The following IL1RAP variants were observed in gnomAD, a reference collection of about 807,000 sequenced individuals.
The protein encoded by IL1RAP is interleukin-1 receptor accessory protein.
In IL1RAP, 35 loss-of-function variants were observed where a neutral mutation model predicts 60.7. The ratio of observed to expected loss-of-function variants is 0.58; its 90% confidence interval spans 0.44 to 0.76. IL1RAP has a LOEUF of 0.76. Ranked by LOEUF, IL1RAP falls within the 30% of genes least tolerant of loss-of-function variation. The probability of loss-of-function intolerance (pLI) is 0.00; values close to 1 mark genes in which losing one functional copy is unlikely to be tolerated. For missense variants in IL1RAP, 572 were observed against 693.9 expected, an observed-to-expected ratio of 0.82 and a Z score of 1.97; for synonymous variants, 268 against 250.9, an observed-to-expected ratio of 1.07 and a Z score of -0.64.
intron 1 of IL1RAP, among the ~76,000 whole-genome samples, chr3:190,551,713 C>A (rs1348916714): frequency 6.6e-6 from 1 of 152,002 alleles, no homozygotes; most frequent in Admixed American, 6.6e-5. Context: ...ATTTAAGAGC[C>A]CCTGTCAAAG....
At chr3:190,655,987 G>A (rs1473762518), downstream of IL1RAP, 1 of 1,537,096 alleles carries the variant, frequency 6.5e-7, no homozygotes, top group African/African-American at 1.4e-5. Context: ...CAGCATGCTG[G>A]AGTTTAAACT....
intron 8 of IL1RAP, among the ~76,000 whole-genome samples, chr3:190,628,650 C>T (rs1217762147): frequency 2.6e-5 from 4 of 152,142 alleles, no homozygotes; most frequent in East Asian, 3.9e-4. Context: ...ACAAAGTTTA[C>T]GTGTTCATAA....
At position 190,629,338 on chromosome 3, in the gene IL1RAP, C is replaced by G. The variant is rs978415111; in HGVS notation, c.903-12C>G. The G allele has an allele frequency of 3.2e-6, 5 of 1,569,356 alleles. No homozygotes were observed. In the Admixed American group the frequency reaches 5.3e-5, roughly 17 times the overall value. ...CTCTCAAATGCTTTGATTTTCTTCT[C>G]TCTATTTCTAGTATAAGTCATAGTA... On this transcript the variant is annotated splice_polypyrimidine_tract_variant and intron_variant, in intron 8 of 11. Coordinates refer to ENST00000447382, the MANE Select transcript of IL1RAP (RefSeq NM_002182.4).
intron 1 of IL1RAP, among the ~76,000 whole-genome samples, chr3:190,546,161 A>T (rs1324175208): frequency 1.3e-5 from 2 of 152,132 alleles, no homozygotes; most frequent in Non-Finnish European, 2.9e-5. Context: ...GTTTTAAGGG[A>T]CTTCGAACCT....
intron 2 of IL1RAP, 131 bp from the exon 3 acceptor site, chr3:190,564,158 A>G (rs1376483432): frequency 6.4e-6 from 4 of 622,978 alleles, no homozygotes; most frequent in Non-Finnish European, 5.9e-6. Context: ...CTGACAATGA[A>G]ATTTGTTAAT....
intron 3 of IL1RAP, among the ~76,000 whole-genome samples, chr3:190,577,628 T>C (rs1411005441): frequency 1.3e-5 from 2 of 152,166 alleles, no homozygotes; most frequent in Non-Finnish European, 2.9e-5. Context: ...ATTCCTGTGC[T>C]CAAGAGGTTC....
At chr3:190,636,648 T>C (rs1733249616) in intron 9 of IL1RAP, among the ~76,000 whole-genome samples, 1 of 152,034 alleles carries the variant, frequency 6.6e-6, no homozygotes, top group South Asian at 2.1e-4. Context: ...GTATATGTTT[T>C]TTCCATTATT....
At chr3:190,599,536 CCT>C (rs971760143) in intron 3 of IL1RAP, among the ~76,000 whole-genome samples, 102 of 151,310 alleles carry the variant, frequency 6.7e-4, no homozygotes, top group African/African-American at 2.5e-3. Context: ...TTTGCAGAAT[CCT>C]CTCTTTCTCT....
intron 3 of IL1RAP, among the ~76,000 whole-genome samples, chr3:190,587,443 G>T (rs374513706): frequency 2.0e-4 from 30 of 152,354 alleles, no homozygotes; most frequent in African/African-American, 7.0e-4. Flanking sequence ...AATGGTACTG[G>T]TAGTTCCTAT....
At position 190,642,821 on chromosome 3, in the gene IL1RAP, A is replaced by G. The variant is rs373042632; in HGVS notation, c.1052-1427A>G. 7.3e-4 allele frequency among the ~76,000 whole-genome samples: 111 copies of G among 152,294 alleles called. 1 individual carries two copies. Among genetic ancestry groups the G allele is most frequent in the African/African-American group, 2.6e-3 (107 of 41,566 alleles). On this transcript the variant is annotated intron_variant, in intron 9 of 11. Transcript: ENST00000447382. ...TTGTATCCCCAGAAGCTTCTGGCAA[A>G]TGGTAGATGTCAATAGATAATAATC...
chr3:190,650,889 CT>C lies in IL1RAP; in HGVS notation c.*2185del. The C allele has an allele frequency of 1.2e-5, 12 of 985,340 alleles. No homozygotes were observed. Among genetic ancestry groups the C allele is most frequent in the Non-Finnish European group, 1.4e-5 (12 of 829,852 alleles). The allele number at this position is 985,340 out of a possible 1,614,324, so 61.0% of individuals were successfully genotyped here. ...CCAAAGGACCATTCTCTTGCCAATG[CT>C]GCATTCCTTTTGCACTTTTGGATTC... is the stretch of plus-strand genomic sequence containing the variant. On this transcript the variant is annotated 3_prime_UTR_variant, in exon 12 of 12. Coordinates refer to ENST00000447382, the MANE Select transcript of IL1RAP (RefSeq NM_002182.4).
chr3:190,571,906 ATTC>A (rs36086745), intron 3 of IL1RAP, among the ~76,000 whole-genome samples: 39,280 of 152,084 alleles, frequency 0.26, 5,978 homozygotes, highest in Non-Finnish European at 0.35. Flanking sequence ...GCCCAAGACA[ATTC>A]TTCTTCTTCC....
intron 3 of IL1RAP, among the ~76,000 whole-genome samples, chr3:190,572,492 A>G (rs1028693338): frequency 6.6e-6 from 1 of 152,122 alleles, no homozygotes; most frequent in Non-Finnish European, 1.5e-5. Flanking sequence ...TAGGAAAAAG[A>G]GAGAGAGAGG....
At chr3:190,592,616 G>A (rs1309152052) in intron 3 of IL1RAP, among the ~76,000 whole-genome samples, 6 of 152,146 alleles carry the variant, frequency 3.9e-5, no homozygotes, top group Non-Finnish European at 1.5e-5. Context: ...AGTGACGCTT[G>A]TATTTACAAA....
intron 3 of IL1RAP, among the ~76,000 whole-genome samples, chr3:190,597,163 G>A (rs572857537): frequency 6.6e-6 from 1 of 152,264 alleles, no homozygotes; most frequent in African/African-American, 2.4e-5. Context: ...CTTTAAAAAT[G>A]TATTGAATTT....
At chr3:190,633,990 T>A (rs1732995548) in intron 9 of IL1RAP, among the ~76,000 whole-genome samples, 1 of 152,218 alleles carries the variant, frequency 6.6e-6, no homozygotes, top group South Asian at 2.1e-4. Context: ...TATACAGGAT[T>A]TTTTTGTAGA....
intron 9 of IL1RAP, among the ~76,000 whole-genome samples, chr3:190,641,126 C>T (rs530976203): frequency 2.8e-4 from 43 of 152,194 alleles, no homozygotes; most frequent in Admixed American, 3.9e-4. Flanking sequence ...CCACCACACC[C>T]GGCTAATTTT....
intron 2 of IL1RAP, among the ~76,000 whole-genome samples, chr3:190,560,930 A>G (rs962469900): frequency 6.6e-6 from 1 of 152,210 alleles, no homozygotes; most frequent in Non-Finnish European, 1.5e-5. Context: ...GGGAAACAAT[A>G]GGATTAAATA....
intron 5 of IL1RAP, among the ~76,000 whole-genome samples, chr3:190,616,979 T>A (rs1000652273): frequency 6.6e-6 from 1 of 152,226 alleles, no homozygotes; most frequent in Non-Finnish European, 1.5e-5. Flanking sequence ...GTTTAAGTAC[T>A]AACAGTCAGG....
Sources: gnomAD v4.1 joint callset for allele counts (sites outside exome capture counted in the v4.1 genomes callset) on GRCh38, gnomAD v4.1.1 for gene constraint, MANE v1.5 for transcripts, NCBI Gene and HGNC (gene_info 2026-07-23, HGNC 2026-07-21) for gene names.